Variants in EHMT1 observed in about 807,000 individuals in gnomAD.
EHMT1 encodes euchromatic histone lysine methyltransferase 1, also known as histone-lysine N-methyltransferase EHMT1.
Under a neutral mutation model 147.2 loss-of-function variants are expected in EHMT1, and 15 were observed. That is an observed-to-expected ratio of 0.10 (90% CI 0.07 to 0.16). EHMT1 has a LOEUF of 0.16. Among genes scored for constraint, EHMT1 ranks in the 10% least tolerant of loss-of-function variants. The pLI is 1.00. For missense variants in EHMT1, 1,587 were observed against 1,772.4 expected (o/e 0.90, Z 1.88); for synonymous variants, 795 against 709.6 (o/e 1.12, Z -1.91).
At chr9:137,825,730 G>A (rs1349125733) in intron 25 of EHMT1, among the ~76,000 whole-genome samples, 1 of 152,188 alleles carries the variant, frequency 6.6e-6, no homozygotes, top group East Asian at 1.9e-4. Context: ...CCTATTAAGT[G>A]TAATGATATG....
intron 1 of EHMT1, among the ~76,000 whole-genome samples, chr9:137,661,042 C>T (rs1939022595): frequency 1.3e-5 from 2 of 152,130 alleles, no homozygotes; most frequent in South Asian, 2.1e-4. Context: ...GATATGATGT[C>T]GAAAAGAAAC....
chr9:137,727,602 G>C (rs991894205), intron 3 of EHMT1, among the ~76,000 whole-genome samples: 1 of 152,116 alleles, frequency 6.6e-6, no homozygotes, highest in Non-Finnish European at 1.5e-5. Context: ...ACTGTGTATT[G>C]CACCCACTAT....
At chr9:137,823,480 C>T (rs976859589) in intron 25 of EHMT1, 12 of 345,088 alleles carry the variant, frequency 3.5e-5, no homozygotes, top group African/African-American at 1.4e-4. Flanking sequence ...GACACAATCT[C>T]GGCTCACTGC....
chr9:137,717,061 C>T lies in EHMT1; in HGVS notation c.521C>T (p.Ala174Val). 2 of 1,607,482 alleles carry T rather than the reference C, an allele frequency of 1.2e-6. No individual in the cohort carries two copies. The change falls in exon 3 of 27, where the codon GCC becomes GTC. Residue 174 changes from alanine (A) to valine (V), a missense_variant. Transcript: ENST00000460843. ...TPSAFPQTPA[A>V]PPATLGEGSA... ...AGCGCTTTTCCCCAGACGCCAGCCG[C>T]CCCACCAGCCACCCTTGGGGAGGGG...
intron 18 of EHMT1, among the ~76,000 whole-genome samples, chr9:137,805,933 TTACAGG>T (rs1953910365): frequency 6.6e-6 from 1 of 151,966 alleles, no homozygotes; most frequent in Non-Finnish European, 1.5e-5. Flanking sequence ...AGTGCTGGGA[TTACAGG>T]TGTGAGCGAC....
At chr9:137,781,306 CATCACT>C (rs1951511528) in intron 14 of EHMT1, among the ~76,000 whole-genome samples, 1 of 88,328 alleles carries the variant, frequency 1.1e-5, no homozygotes, top group Admixed American at 1.4e-4. Context: ...GTGATGACGG[CATCACT>C]GAGATGTGTG....
intron 1 of EHMT1, among the ~76,000 whole-genome samples, chr9:137,628,272 A>G (rs995965403): frequency 2.6e-5 from 4 of 151,420 alleles, no homozygotes; most frequent in Non-Finnish European, 4.4e-5. Flanking sequence ...GCTCTCCTCT[A>G]CCTCTCTGTC....
intron 6 of EHMT1, among the ~76,000 whole-genome samples, chr9:137,748,959 C>T (rs1948763176): frequency 6.6e-6 from 1 of 152,200 alleles, no homozygotes; most frequent in South Asian, 2.1e-4. Context: ...TGTTGCTTGA[C>T]AGCTGGTGCG....
Position 137,786,011 on chromosome 9 carries a change from G to A in EHMT1, c.2382+3614G>A, listed in dbSNP as rs1457493003. On this transcript the variant is annotated intron_variant, in intron 15 of 26. Coordinates refer to ENST00000460843, the MANE Select transcript of EHMT1 (RefSeq NM_024757.5). This position sits in a 1 kb window ranked among gnomAD's most constrained non-coding sequence, Gnocchi z 4.3. ...AGTGTAGAAAAGGGACATGGCTGTGGGGCTGAGTGGCCTGGCCCTGCCAGG... is the reference window on the plus strand; with the variant it reads ...AGTGTAGAAAAGGGACATGGCTGTGAGGCTGAGTGGCCTGGCCCTGCCAGG... 2.0e-5 allele frequency: 3 copies of A among 152,562 alleles called. No individual in the cohort carries two copies. The highest frequency in any genetic ancestry group is 7.2e-5 in the African/African-American group (3 of 41,484). 9.5% of individuals were successfully genotyped at this position (152,562 alleles called of 1,614,324 possible).
chr9:137,695,150 C>T (rs970270487), intron 1 of EHMT1, among the ~76,000 whole-genome samples: 6 of 152,220 alleles, frequency 3.9e-5, no homozygotes, highest in Admixed American at 2.0e-4. Context: ...GATTACCGGC[C>T]GCCCGGCCCT....
At chr9:137,741,086 C>T (rs1948028152) in intron 4 of EHMT1, among the ~76,000 whole-genome samples, 2 of 152,014 alleles carry the variant, frequency 1.3e-5, no homozygotes, top group African/African-American at 4.8e-5. Flanking sequence ...ACGCCATTCT[C>T]CTGCCTCAGC....
intron 23 of EHMT1, 109 bp downstream of exon 23, chr9:137,816,171 T>C (rs979584876): frequency 3.1e-6 from 3 of 977,904 alleles, no homozygotes; most frequent in Non-Finnish European, 4.8e-6. Flanking sequence ...TGCACGCACA[T>C]GTGTGTTTGC....
intron 1 of EHMT1, among the ~76,000 whole-genome samples, chr9:137,672,518 G>T (rs1023978310): frequency 1.5e-5 from 1 of 65,802 alleles, no homozygotes; most frequent in African/African-American, 1.0e-4. Flanking sequence ...CTGGCAACTC[G>T]TGGACAAAAT....
rs1459892525 is a variant in EHMT1, at chr9:137,646,799, C to T, written c.21+27750C>T. Among the ~76,000 whole-genome samples, 8 of 152,180 alleles carry T rather than the reference C, an allele frequency of 5.3e-5. No individual in the cohort carries two copies. The East Asian group carries it at 1.3e-3, about 26-fold the overall frequency. On this transcript the variant is annotated intron_variant, in intron 1 of 26. Transcript: ENST00000460843. ...TTATCTCCTACTGTCTTTGAAAACA[C>T]GGCTATTCATGTTCAGCTTCTTCCT... is the stretch of plus-strand genomic sequence containing the variant.
intron 4 of EHMT1, among the ~76,000 whole-genome samples, chr9:137,742,159 T>C (rs1011680590): frequency 7.9e-5 from 12 of 152,176 alleles, no homozygotes; most frequent in Admixed American, 4.6e-4. Flanking sequence ...GGCACCTCCT[T>C]ACTCCAGAGC....
At chr9:137,781,240 C>T (rs1188983868) in intron 14 of EHMT1, among the ~76,000 whole-genome samples, 1 of 110,328 alleles carries the variant, frequency 9.1e-6, no homozygotes, top group Non-Finnish European at 1.7e-5. Flanking sequence ...GTGGTGACGA[C>T]GCTGGGACGT....
chr9:137,635,762 G>A lies in EHMT1; in HGVS notation c.21+16713G>A, dbSNP rs1038320084. Among the ~76,000 whole-genome samples, 2 of 151,304 alleles carry A rather than the reference G, an allele frequency of 1.3e-5. 1 individual carries two copies. Among genetic ancestry groups the A allele is most frequent in the South Asian group, 4.2e-4 (2 of 4,794 alleles). On this transcript the variant is annotated intron_variant, in intron 1 of 26. Coordinates refer to ENST00000460843, the MANE Select transcript of EHMT1 (RefSeq NM_024757.5). ...ATGAACCTGGGAGGCGGAGCTTGCA[G>A]TGAGCTGAGATGGTGCCACTGCTCT... is the stretch of plus-strand genomic sequence containing the variant.
chr9:137,790,571 T>G (rs567253465), intron 15 of EHMT1, among the ~76,000 whole-genome samples: 1 of 152,316 alleles, frequency 6.6e-6, no homozygotes, highest in Admixed American at 6.5e-5. Flanking sequence ...TCCTCCTCAT[T>G]TCTAAAGGTG....
chr9:137,668,195 G>A (rs1257131117), intron 1 of EHMT1, among the ~76,000 whole-genome samples: 1 of 152,192 alleles, frequency 6.6e-6, no homozygotes, highest in Non-Finnish European at 1.5e-5. Context: ...TTGGGCGCCA[G>A]CTGTCTACTC....
Sources: allele counts gnomAD v4.1 joint callset (sites outside exome capture counted in the v4.1 genomes callset), GRCh38; gene constraint gnomAD v4.1.1; non-coding constraint Gnocchi (gnomAD v3.1); transcripts MANE v1.5; gene names NCBI Gene and HGNC (gene_info 2026-07-23, HGNC 2026-07-21).